ZNF670: variants seen among roughly 807,000 people sequenced by gnomAD.
ZNF670 encodes zinc finger protein 670.
Under a neutral mutation model 10.9 loss-of-function variants are expected in ZNF670, and 7 were observed. The ratio of observed to expected loss-of-function variants is 0.64; its 90% CI spans 0.36 to 1.20. The LOEUF (loss-of-function observed/expected upper bound fraction) is 1.20, where lower values mean the gene tolerates loss of function less well. Among genes scored for constraint, ZNF670 ranks in the 50% most tolerant of loss-of-function variants. The pLI, the probability that ZNF670 is intolerant of heterozygous loss-of-function variation, is 0.02. For missense variants in ZNF670, 446 were observed against 458.6 expected (o/e 0.97, Z 0.25); for synonymous variants, 136 against 152.7 (o/e 0.89, Z 0.81).
At chr1:247,054,006 T>C (rs1000558391) in intron 1 of ZNF670, among the ~76,000 whole-genome samples, 4 of 152,238 alleles carry the variant, frequency 2.6e-5, no homozygotes, top group African/African-American at 2.4e-5. Context: ...CCGCATAGCA[T>C]AGAGAATCTG....
intron 1 of ZNF670, chr1:247,043,172 T>C: frequency 1.3e-6 from 1 of 779,964 alleles, no homozygotes; most frequent in South Asian, 1.4e-5. Flanking sequence ...CAGATACATG[T>C]TCTACGTGCT....
chr1:247,046,940 C>A (rs1405602083), intron 1 of ZNF670, among the ~76,000 whole-genome samples: 1 of 152,238 alleles, frequency 6.6e-6, no homozygotes, highest in East Asian at 1.9e-4. Flanking sequence ...AGGCCCCATG[C>A]AAGTCCAAAA....
intron 1 of ZNF670, among the ~76,000 whole-genome samples, chr1:247,051,782 A>ATT (rs58493948): frequency 2.2e-5 from 3 of 138,212 alleles, no homozygotes; most frequent in East Asian, 2.2e-4. Context: ...TTCTTTTTTC[A>ATT]TTTTTTTTTT....
At chr1:247,078,156 G>A (rs1572577230) in intron 1 of ZNF670, among the ~76,000 whole-genome samples, 1 of 152,152 alleles carries the variant, frequency 6.6e-6, no homozygotes, top group African/African-American at 2.4e-5. Flanking sequence ...AACCACGCTG[G>A]TGGCTTCCTA....
At position 247,037,923 on chromosome 1, in the gene ZNF670, T is replaced by G. The variant is rs754127403; in HGVS notation, c.696A>C (p.Lys232Asn). ...EKPYACKKCGKSFTFSSSLRQ... is the reference protein window; with the variant it reads ...EKPYACKKCGNSFTFSSSLRQ... ...GAAGAGAACTGGAAAAAGTGAATGA[T>G]TTACCACATTTCTTACATGCATAGG... Residue 232 changes from lysine (K) to asparagine (N), a missense_variant, in exon 4 of 4, where the codon AAA (lysine) becomes AAC (asparagine). Coordinates refer to ENST00000366503, the MANE Select transcript of ZNF670 (RefSeq NM_033213.5). The G allele has an allele frequency of 2.4e-5, 39 of 1,613,896 alleles. No homozygotes were observed. Among genetic ancestry groups the G allele is most frequent in the Non-Finnish European group, 3.1e-5 (36 of 1,179,996 alleles).
intron 1 of ZNF670, among the ~76,000 whole-genome samples, chr1:247,071,275 G>A (rs934537137): frequency 6.6e-5 from 10 of 152,148 alleles, no homozygotes; most frequent in Non-Finnish European, 1.0e-4. Context: ...ATACATCCAG[G>A]GACAATTACA....
chr1:247,073,174 T>C (rs1425005057), intron 1 of ZNF670, among the ~76,000 whole-genome samples: 1 of 152,190 alleles, frequency 6.6e-6, no homozygotes, highest in Non-Finnish European at 1.5e-5. Flanking sequence ...TACGATTTTT[T>C]CAGGTCATAT....
At chr1:247,059,238 G>A (rs1179859027) in intron 1 of ZNF670, among the ~76,000 whole-genome samples, 3 of 151,772 alleles carry the variant, frequency 2.0e-5, no homozygotes, top group African/African-American at 4.8e-5. Flanking sequence ...TCAGGAGATC[G>A]AGACCATCCT....
chr1:247,058,052 G>C lies in ZNF670; in HGVS notation c.4-18515C>G, dbSNP rs369929619. On this transcript the variant is annotated intron_variant, in intron 1 of 3. Transcript: ENST00000366503. ...AAGTTATAGATACCCCATTTACCCT[G>C]GTACAATTATTATGCATTGCATGCC... Among the ~76,000 whole-genome samples, 6 of 152,154 alleles carry C rather than the reference G, an allele frequency of 3.9e-5. No individual in the cohort carries two copies. In the South Asian group the frequency reaches 1.0e-3, roughly 26 times the overall value.
rs542469414 is a variant in ZNF670, at chr1:247,039,495, C to G, written c.46G>C (p.Glu16Gln). 1 of 1,605,242 alleles carries G rather than the reference C, an allele frequency of 6.2e-7. No homozygotes were observed. Among genetic ancestry groups the G allele is most frequent in the South Asian group, 1.1e-5 (1 of 89,728 alleles). ...GAAGGATCCAGCAAAGCCCACTCCT[C>G]CTGAGTAAAGGCCACAGCCACATCT... is the stretch of plus-strand genomic sequence containing the variant. ...FEDVAVAFTQ[E>Q]EWALLDPSQK... is the part of the protein sequence containing the mutation. The change falls in exon 2 of 4, where the codon GAG (glutamate) becomes CAG (glutamine). Residue 16 changes from glutamate to glutamine, a missense_variant. Coordinates refer to ENST00000366503, the MANE Select transcript of ZNF670 (RefSeq NM_033213.5).
Position 247,035,317 on chromosome 1 carries a change from CA to C in ZNF670, c.*2131del, listed in dbSNP as rs879822146. 6.6e-6 allele frequency among the ~76,000 whole-genome samples: 1 copy of C among 151,986 alleles called. No individual in the cohort carries two copies. Among genetic ancestry groups the C allele is most frequent in the Non-Finnish European group, 1.5e-5 (1 of 67,984 alleles). ...GTTATTAGTTACATACATTCATAGA[CA>C]AAAAAGGGAGGGTTCTGTAAACGAG... On this transcript the variant is annotated 3_prime_UTR_variant, in exon 4 of 4. Transcript: ENST00000366503.
At position 247,036,076 on chromosome 1, in the gene ZNF670, G is replaced by C. The variant is rs1670142276; in HGVS notation, c.*1373C>G. 6.6e-6 allele frequency among the ~76,000 whole-genome samples: 1 copy of C among 152,044 alleles called. No individual in the cohort carries two copies. The highest frequency in any genetic ancestry group is 1.5e-5 in the Non-Finnish European group (1 of 68,026). On this transcript the variant is annotated 3_prime_UTR_variant, in exon 4 of 4. Coordinates refer to ENST00000366503, the MANE Select transcript of ZNF670 (RefSeq NM_033213.5). ...CCATGATGAAGACAAATTTCACCCA[G>C]ATAACCATAATATATTTATATCTGA...
intron 1 of ZNF670, among the ~76,000 whole-genome samples, chr1:247,070,275 T>C (rs999353714): frequency 3.3e-5 from 5 of 152,110 alleles, no homozygotes; most frequent in African/African-American, 1.2e-4. Context: ...ATCAAGACCA[T>C]CCTGGCTAAC....
In ZNF670 at chr1:247,037,572, G is replaced by A. The variant is rs1422873332; in HGVS notation, c.1047C>T (p.Ser349=). Residue 349 remains serine, a synonymous_variant, in exon 4 of 4, where the codon TCC becomes TCT. Transcript: ENST00000366503. ...TCCTTTCATGGCTTCGAAGGGCACT[G>A]GAAGAAGTAAACGACTTACCACATT... ...CKECGKSFTS[S]SALRSHERTH... 6.2e-7 allele frequency: 1 copy of A among 1,614,022 alleles called. No homozygotes were observed. Among genetic ancestry groups the A allele is most frequent in the Non-Finnish European group, 8.5e-7 (1 of 1,179,966 alleles).
chr1:247,053,308 T>C (rs1236898230), intron 1 of ZNF670, among the ~76,000 whole-genome samples: 1 of 152,162 alleles, frequency 6.6e-6, no homozygotes, highest in Admixed American at 6.6e-5. Context: ...CCCCAGATTT[T>C]GCCCAGGAAA....
chr1:247,039,370 G>C, intron 2 of ZNF670, 41 bp downstream of exon 2: 1 of 1,591,304 alleles, frequency 6.3e-7, no homozygotes, highest in African/African-American at 1.4e-5. Context: ...CAAAACACTT[G>C]CGTTGTAATC....
chr1:247,064,789 C>T (rs1670944706), intron 1 of ZNF670, among the ~76,000 whole-genome samples: 1 of 152,068 alleles, frequency 6.6e-6, no homozygotes, highest in Admixed American at 6.6e-5. Flanking sequence ...CACTTTCTTT[C>T]TTTCTTTTCT....
intron 1 of ZNF670, among the ~76,000 whole-genome samples, chr1:247,056,877 C>T (rs1670730929): frequency 6.6e-6 from 1 of 152,166 alleles, no homozygotes; most frequent in Non-Finnish European, 1.5e-5. Flanking sequence ...AATATAAGTT[C>T]TCAAACTATG....
rs1002628883 is a variant in ZNF670, at chr1:247,070,825, A to C, written c.3+7769T>G. Among the ~76,000 whole-genome samples the C allele has an allele frequency of 8.5e-5, 13 of 152,210 alleles. No homozygotes were observed. The South Asian group carries it at 2.7e-3, about 32-fold the overall frequency. ...ACAACTCCATAAAAAAATGGGCAAG[A>C]ATATGAACAGACACTTCTCCAAAGA... On this transcript the variant is annotated intron_variant, in intron 1 of 3. Transcript: ENST00000366503.
Sources: allele counts gnomAD v4.1 joint callset (sites outside exome capture counted in the v4.1 genomes callset), GRCh38; gene constraint gnomAD v4.1.1; transcripts MANE v1.5; gene names NCBI Gene and HGNC (gene_info 2026-07-23, HGNC 2026-07-21).